The following TGM3 variants were observed in gnomAD, a reference collection of about 807,000 sequenced individuals.
The protein encoded by TGM3 is transglutaminase 3, also known as protein-glutamine gamma-glutamyltransferase E.
In TGM3, 52 loss-of-function variants were observed where a neutral mutation model predicts 73.8. That is an observed-to-expected ratio of 0.70 (90% confidence interval 0.56 to 0.89). TGM3 has a LOEUF of 0.89. Ranked by LOEUF, TGM3 falls within the 40% of genes least tolerant of loss-of-function variation. The pLI, the probability that TGM3 is intolerant of heterozygous loss-of-function variation, is 0.00. For synonymous variants in TGM3, 372 were observed against 354.9 expected (o/e 1.05, Z -0.54); for missense variants, 928 against 909.9 (o/e 1.02, Z -0.26).
intron 9 of TGM3, among the ~76,000 whole-genome samples, chr20:2,330,832 C>T (rs1004551587): frequency 1.3e-5 from 2 of 151,574 alleles, no homozygotes; most frequent in Non-Finnish European, 2.9e-5. Flanking sequence ...ATGGTGAAAC[C>T]CTGTCTCTAC....
intron 8 of TGM3, among the ~76,000 whole-genome samples, chr20:2,327,426 G>C (rs2084294366): frequency 6.6e-6 from 1 of 152,054 alleles, no homozygotes; most frequent in Non-Finnish European, 1.5e-5. Context: ...GCAATGAGTC[G>C]AGATTGCACC....
At position 2,309,717 on chromosome 20, in the gene TGM3, A is replaced by G; in HGVS notation, c.68A>G (p.Asp23Gly). Residue 23 changes from aspartate (D) to glycine (G), a missense_variant, in exon 2 of 13, where the codon GAC becomes GGC. Coordinates refer to ENST00000381458, the MANE Select transcript of TGM3 (RefSeq NM_003245.4). ...TAFNRQAHHT[D>G]KFSSQELILR... ...TTCAACCGACAAGCGCATCACACAG[A>G]CAAGTTCTCCAGCCAGGAGCTCATC... 6.2e-7 allele frequency: 1 copy of G among 1,614,164 alleles called. No homozygotes were observed. The highest frequency in any genetic ancestry group is 8.5e-7 in the Non-Finnish European group (1 of 1,180,010).
rs2084334659 is a variant in TGM3 at position 2,334,054 on chromosome 20, A to G, written c.1643-1062A>G. ...GGGCATCCCCAGGCCACCCAGCATG[A>G]CAGCCTGAGGGAAGGGAGCACCTAA... On this transcript the variant is annotated intron_variant, in intron 10 of 12. Transcript: ENST00000381458. This position sits in a 1 kb window ranked among gnomAD's most constrained non-coding sequence, Gnocchi z 4.0. Among the ~76,000 whole-genome samples the G allele has an allele frequency of 6.6e-6, 1 of 152,196 alleles. No individual in the cohort carries two copies. The highest frequency in any genetic ancestry group is 6.5e-5 in the Admixed American group (1 of 15,288).
At chr20:2,307,412 A>G (rs2084181797) in intron 1 of TGM3, among the ~76,000 whole-genome samples, 2 of 152,150 alleles carry the variant, frequency 1.3e-5, no homozygotes, top group Non-Finnish European at 2.9e-5. Context: ...GCTCCAGACA[A>G]GTAACATCAC....
chr20:2,332,874 G>A lies in TGM3; in HGVS notation c.1642+564G>A, dbSNP rs960410582. Among the ~76,000 whole-genome samples the A allele has an allele frequency of 5.9e-5, 9 of 152,170 alleles. No homozygotes were observed. The highest frequency in any genetic ancestry group is 3.8e-4 in the East Asian group (2 of 5,196). On this transcript the variant is annotated intron_variant, in intron 10 of 12. Coordinates refer to ENST00000381458, the MANE Select transcript of TGM3 (RefSeq NM_003245.4). The surrounding 1 kb of genome is among the most constrained non-coding windows in gnomAD (Gnocchi z 4.4). The stretch of plus-strand genomic sequence containing the variant: ...ACCTCAGGAGGGTGGCAATGACCAC[G>A]GGACCCTAAACCTTGGCCCATGGCC...
In TGM3 at chr20:2,328,030, G is replaced by C; in HGVS notation, c.1088-90G>C. The C allele has an allele frequency of 6.4e-7, 1 of 1,569,202 alleles. No individual in the cohort carries two copies. The highest frequency in any genetic ancestry group is 1.2e-5 in the South Asian group (1 of 84,232). ...AATTTGGGCGGGGCAGAGGCAGGGG[G>C]TTGCAGTGGTCCTGGAAGGCCCTGG... is the stretch of plus-strand genomic sequence containing the variant. On this transcript the variant is annotated intron_variant, in intron 8 of 12. Transcript: ENST00000381458. The surrounding 1 kb of genome is among the most constrained non-coding windows in gnomAD (Gnocchi z 5.2).
chr20:2,335,339 C>T lies in TGM3; in HGVS notation c.1800+66C>T, dbSNP rs1018765875. On this transcript the variant is annotated intron_variant, in intron 11 of 12. Coordinates refer to ENST00000381458, the MANE Select transcript of TGM3 (RefSeq NM_003245.4). ...CAGCCAGCCCAGCTCCCAGGAGCCC[C>T]ACTGTCCCTGTGAGCCACAGCTCTC... 8 of 1,590,026 alleles carry T rather than the reference C, an allele frequency of 5.0e-6. No homozygotes were observed. The African/African-American group carries it at 8.1e-5, about 16-fold the overall frequency.
chr20:2,330,294 C>T (rs907818349), intron 9 of TGM3, among the ~76,000 whole-genome samples: 2 of 152,218 alleles, frequency 1.3e-5, no homozygotes, highest in African/African-American at 4.8e-5. Flanking sequence ...CCTATATAGG[C>T]ATCAAGGCTC....
intron 10 of TGM3, among the ~76,000 whole-genome samples, chr20:2,333,134 G>A (rs181651052): frequency 5.3e-5 from 8 of 152,258 alleles, no homozygotes; most frequent in East Asian, 3.9e-4. Context: ...CTTACAAGCC[G>A]GATTAACAGG....
At chr20:2,311,484 T>C (rs1183059523) in intron 4 of TGM3, among the ~76,000 whole-genome samples, 2 of 152,304 alleles carry the variant, frequency 1.3e-5, no homozygotes, top group East Asian at 3.9e-4. Flanking sequence ...CTTCTGTTTT[T>C]CATTCCATGT....
At chr20:2,300,807 C>T (rs902736253) in intron 1 of TGM3, among the ~76,000 whole-genome samples, 3 of 152,194 alleles carry the variant, frequency 2.0e-5, no homozygotes, top group Non-Finnish European at 2.9e-5. Context: ...CCATTAAAAG[C>T]TCAAAGCCTC....
At chr20:2,307,348 C>T (rs1210233876) in intron 1 of TGM3, among the ~76,000 whole-genome samples, 4 of 152,000 alleles carry the variant, frequency 2.6e-5, no homozygotes, top group African/African-American at 9.7e-5. Flanking sequence ...CAGTCCTGCC[C>T]CAACCCCCAC....
chr20:2,327,206 C>A (rs1036615168), intron 8 of TGM3, among the ~76,000 whole-genome samples: 4 of 152,072 alleles, frequency 2.6e-5, no homozygotes, highest in Admixed American at 6.5e-5. Context: ...CGCAGTGGCT[C>A]ACGCCTGTAA....
rs2084324311 is a variant in TGM3 at position 2,332,190 on chromosome 20, C to G, written c.1522C>G (p.Leu508Val). 6.2e-7 allele frequency: 1 copy of G among 1,614,100 alleles called. No homozygotes were observed. The highest frequency in any genetic ancestry group is 8.5e-7 in the Non-Finnish European group (1 of 1,179,992). ...CAACCTGGTCCTACTGCTCAAAAAC[C>G]TGAGCAGGGATACGAAGACAGTGAC... is the stretch of plus-strand genomic sequence containing the variant. ...EVNLVLLLKN[L>V]SRDTKTVTVN... Residue 508 changes from leucine (L) to valine (V), a missense_variant, in exon 10 of 13, where the codon CTG becomes GTG. Leu to Val is a conservative substitution (Grantham distance 32). Transcript: ENST00000381458. The surrounding 1 kb of genome is among the most constrained non-coding windows in gnomAD (Gnocchi z 4.4).
rs551717505 is a variant in TGM3 at position 2,328,005 on chromosome 20, A to G, written c.1088-115A>G. 1.2e-5 allele frequency: 18 copies of G among 1,461,834 alleles called. No individual in the cohort carries two copies. In the African/African-American group the frequency reaches 2.1e-4, roughly 17 times the overall value. The allele number at this position is 1,461,834 out of a possible 1,614,324, so 90.6% of individuals were successfully genotyped here. ...TGGGACACACAGTCAGGGGTGAAGG[A>G]ATTTGGGCGGGGCAGAGGCAGGGGG... On this transcript the variant is annotated intron_variant, in intron 8 of 12. Transcript: ENST00000381458. The surrounding 1 kb of genome is among the most constrained non-coding windows in gnomAD (Gnocchi z 5.2).
chr20:2,304,338 C>G (rs143919186), intron 1 of TGM3, among the ~76,000 whole-genome samples: 1 of 152,204 alleles, frequency 6.6e-6, no homozygotes, highest in Non-Finnish European at 1.5e-5. Flanking sequence ...CAGAACCACA[C>G]TGGAAGCTTG....
chr20:2,314,163 C>A (rs1253609769), intron 5 of TGM3, among the ~76,000 whole-genome samples: 1 of 152,060 alleles, frequency 6.6e-6, no homozygotes, highest in Non-Finnish European at 1.5e-5. Context: ...GAGTAAGACC[C>A]TATCTCAAAC....
chr20:2,338,046 A>G (rs1431447945), intron 11 of TGM3, among the ~76,000 whole-genome samples: 2 of 150,900 alleles, frequency 1.3e-5, no homozygotes, highest in South Asian at 2.1e-4. Flanking sequence ...TATTGAACGG[A>G]TCAATGCCTA....
chr20:2,299,146 TTG>T (rs1203217918), intron 1 of TGM3, among the ~76,000 whole-genome samples: 3 of 152,132 alleles, frequency 2.0e-5, no homozygotes, highest in African/African-American at 7.2e-5. Context: ...GTCACTTAAC[TTG>T]TGTGTCTCAG....
Sources: allele counts gnomAD v4.1 joint callset (sites outside exome capture counted in the v4.1 genomes callset), GRCh38; gene constraint gnomAD v4.1.1; non-coding constraint Gnocchi (gnomAD v3.1); transcripts MANE v1.5; gene names NCBI Gene and HGNC (gene_info 2026-07-23, HGNC 2026-07-21).